CSMD3: variants seen among roughly 807,000 people sequenced by gnomAD.
The protein encoded by CSMD3 is CUB and sushi domain-containing protein 3.
In CSMD3, 177 loss-of-function variants were observed where a neutral mutation model predicts 435.2. That is an observed-to-expected ratio of 0.41 (90% CI 0.36 to 0.46). CSMD3 has a LOEUF of 0.46. Ranked by LOEUF, CSMD3 falls within the 20% of genes least tolerant of loss-of-function variation. CSMD3 has a pLI of 0.34. For synonymous variants in CSMD3, 1,656 were observed against 1,520.5 expected, an observed-to-expected ratio of 1.09 and a Z score of -2.07; for missense variants, 4,265 against 4,504.6, an observed-to-expected ratio of 0.95 and a Z score of 1.52.
intron 32 of CSMD3, among the ~76,000 whole-genome samples, chr8:112,436,961 C>T (rs191099134): frequency 3.9e-4 from 59 of 152,140 alleles, no homozygotes; most frequent in Middle Eastern, 6.8e-3. Flanking sequence ...GGGAAATCCT[C>T]ATCATTTTGT....
intron 19 of CSMD3, among the ~76,000 whole-genome samples, chr8:112,645,762 ACTAT>A (rs1468781517): frequency 6.6e-6 from 1 of 152,152 alleles, no homozygotes; most frequent in African/African-American, 2.4e-5. Context: ...AAATAAGCTA[ACTAT>A]CTGAGGTCAA....
chr8:112,306,825 T>C (rs754566447), intron 50 of CSMD3, among the ~76,000 whole-genome samples: 5 of 152,196 alleles, frequency 3.3e-5, no homozygotes, highest in Non-Finnish European at 5.9e-5. Context: ...TGATGTGTCT[T>C]AGATGTCTTG....
At chr8:112,467,199 G>A (rs1386339302) in intron 32 of CSMD3, among the ~76,000 whole-genome samples, 1 of 152,176 alleles carries the variant, frequency 6.6e-6, no homozygotes, top group Non-Finnish European at 1.5e-5. Context: ...AAGAGACTGT[G>A]CCAATAATAA....
intron 11 of CSMD3, among the ~76,000 whole-genome samples, chr8:112,838,243 TG>T (rs1054743218): frequency 1.3e-5 from 2 of 151,772 alleles, no homozygotes; most frequent in African/African-American, 4.8e-5. Context: ...ATATTATTTT[TG>T]TTTCTGAAAC....
At chr8:113,101,041 A>T (rs1459030058) in intron 4 of CSMD3, among the ~76,000 whole-genome samples, 2 of 152,004 alleles carry the variant, frequency 1.3e-5, no homozygotes, top group Non-Finnish European at 2.9e-5. Flanking sequence ...GGATCAGAGG[A>T]TCTGAATCCT....
At chr8:113,269,948 A>T (rs375346345) in intron 3 of CSMD3, among the ~76,000 whole-genome samples, 84 of 150,738 alleles carry the variant, frequency 5.6e-4, no homozygotes, top group Non-Finnish European at 7.7e-4. Context: ...GCAACAAAAG[A>T]CAAAATTGAC....
At chr8:112,394,686 T>C (rs1466317011) in intron 35 of CSMD3, among the ~76,000 whole-genome samples, 1 of 152,218 alleles carries the variant, frequency 6.6e-6, no homozygotes, top group Non-Finnish European at 1.5e-5. Context: ...AATGGCAGCA[T>C]GCTCTGGGTG....
At chr8:112,239,539 G>A (rs1813916575) in intron 66 of CSMD3, among the ~76,000 whole-genome samples, 1 of 151,818 alleles carries the variant, frequency 6.6e-6, no homozygotes, top group Non-Finnish European at 1.5e-5. Context: ...AAAATGTGGT[G>A]GAACTTACCA....
At chr8:113,377,228 A>T in intron 1 of CSMD3, 3 of 864,014 alleles carry the variant, frequency 3.5e-6, no homozygotes, top group Non-Finnish European at 4.5e-6. Flanking sequence ...CCGAAGGGCC[A>T]GCCGAGGATA....
intron 3 of CSMD3, among the ~76,000 whole-genome samples, chr8:113,217,938 A>C (rs2092924260): frequency 6.6e-6 from 1 of 151,390 alleles, no homozygotes; most frequent in African/African-American, 2.4e-5. Flanking sequence ...AAAAATGAAA[A>C]AAAAGTAAAC....
Position 112,314,441 on chromosome 8 carries a change from G to A in CSMD3, c.7537C>T (p.Gln2513Ter), listed in dbSNP as rs1822270528. 6.2e-7 allele frequency: 1 copy of A among 1,606,246 alleles called. No individual in the cohort carries two copies. Among genetic ancestry groups the A allele is most frequent in the Non-Finnish European group, 8.5e-7 (1 of 1,173,136 alleles). The change falls in exon 48 of 71, where the codon CAG (glutamine) becomes TAG (stop). Residue 2513 changes from glutamine to a stop codon, truncating the protein, a stop_gained. Coordinates refer to ENST00000297405, the MANE Select transcript of CSMD3 (RefSeq NM_198123.2). LOFTEE classifies it high-confidence loss of function. ...AACCCTTGGTTACCATCATACACCT[G>A]AAGAACATCAAATTCCTTTTCTGTC... is the stretch of plus-strand genomic sequence containing the variant. ...FQTEKEFDVL[Q>*]VYDGPNIQSP...
intron 3 of CSMD3, among the ~76,000 whole-genome samples, chr8:113,197,107 A>C (rs1317789052): frequency 6.6e-6 from 1 of 151,286 alleles, no homozygotes. Flanking sequence ...TATCTACCTC[A>C]TATACAGGCT....
chr8:112,913,050 A>T (rs1006530413), intron 10 of CSMD3, among the ~76,000 whole-genome samples: 2 of 151,984 alleles, frequency 1.3e-5, no homozygotes, highest in Non-Finnish European at 2.9e-5. Context: ...TAATCTGCAC[A>T]TCCACCATTG....
intron 4 of CSMD3, among the ~76,000 whole-genome samples, chr8:113,127,628 T>C (rs1237838340): frequency 1.3e-5 from 2 of 152,070 alleles, no homozygotes; most frequent in East Asian, 1.9e-4. Context: ...TAGGCTTTCA[T>C]CATATTTAAT....
intron 3 of CSMD3, among the ~76,000 whole-genome samples, chr8:113,187,161 T>C (rs1427301165): frequency 6.6e-6 from 1 of 151,722 alleles, no homozygotes; most frequent in Non-Finnish European, 1.5e-5. Context: ...CTTCTTCTTC[T>C]TCTTCTTCTT....
intron 66 of CSMD3, among the ~76,000 whole-genome samples, chr8:112,239,201 G>A (rs1813875950): frequency 6.6e-6 from 1 of 152,010 alleles, no homozygotes; most frequent in African/African-American, 2.4e-5. Context: ...TTCTGACCAT[G>A]AGGCATCCCT....
chr8:113,210,383 T>C (rs1415258647), intron 3 of CSMD3, among the ~76,000 whole-genome samples: 1 of 152,038 alleles, frequency 6.6e-6, no homozygotes, highest in Non-Finnish European at 1.5e-5. Flanking sequence ...AAATAATAAT[T>C]CTCTTCACAA....
At chr8:112,236,869 C>T (rs1156935271) in intron 67 of CSMD3, among the ~76,000 whole-genome samples, 1 of 151,890 alleles carries the variant, frequency 6.6e-6, no homozygotes, top group Non-Finnish European at 1.5e-5. Context: ...ATTTGGTCTC[C>T]GTGGTTTTAT....
chr8:112,904,737 G>T (rs191915953), intron 10 of CSMD3, among the ~76,000 whole-genome samples: 2 of 151,376 alleles, frequency 1.3e-5, no homozygotes, highest in African/African-American at 2.4e-5. Context: ...ACTGGCCAGG[G>T]TTGTTTTAGA....
Sources: allele counts gnomAD v4.1 joint callset (sites outside exome capture counted in the v4.1 genomes callset), GRCh38; gene constraint gnomAD v4.1.1; transcripts MANE v1.5; gene names NCBI Gene and HGNC (gene_info 2026-07-23, HGNC 2026-07-21).